The following ALK variants were observed in gnomAD, a reference collection of about 807,000 sequenced individuals.
ALK encodes ALK tyrosine kinase receptor.
ALK carries 74 observed loss-of-function variants against 163.1 expected under a neutral mutation model. The ratio of observed to expected loss-of-function variants is 0.45; its 90% CI spans 0.38 to 0.55. ALK has a LOEUF of 0.55. Ranked by LOEUF, ALK falls within the 20% of genes least tolerant of loss-of-function variation. ALK has a pLI of 0.00. For synonymous variants in ALK, 960 were observed against 843.2 expected, an observed-to-expected ratio of 1.14 and a Z score of -2.40; for missense variants, 2,063 against 2,105.3, an observed-to-expected ratio of 0.98 and a Z score of 0.39.
intron 5 of ALK, among the ~76,000 whole-genome samples, chr2:29,331,618 T>C (rs575057666): frequency 6.6e-6 from 1 of 152,324 alleles, no homozygotes; most frequent in African/African-American, 2.4e-5. Context: ...CTGCACACAC[T>C]GGTGCTGGTC....
rs1308555087 is a variant in ALK, at chr2:29,233,823, A to C, written c.2356-127T>G. ...CAAAAAACTTACAGTTGAGTTGAGG[A>C]GGCAGAAAAATATACCAATAACTGT... is the stretch of plus-strand genomic sequence containing the variant. On this transcript the variant is annotated intron_variant, in intron 13 of 28. Coordinates refer to ENST00000389048, the MANE Select transcript of ALK (RefSeq NM_004304.5). 2.0e-5 allele frequency: 25 copies of C among 1,238,172 alleles called. No individual in the cohort carries two copies. In the East Asian group the frequency reaches 4.9e-4, roughly 24 times the overall value. The allele number at this position is 1,238,172 out of a possible 1,614,324, so 76.7% of individuals were successfully genotyped here.
intron 3 of ALK, among the ~76,000 whole-genome samples, chr2:29,576,867 C>G (rs1200759684): frequency 6.6e-6 from 1 of 151,856 alleles, no homozygotes; most frequent in Non-Finnish European, 1.5e-5. Flanking sequence ...CCCACCACCC[C>G]CAGATGGGAC....
At chr2:29,237,082 G>C (rs141232963) in intron 13 of ALK, among the ~76,000 whole-genome samples, 3 of 152,232 alleles carry the variant, frequency 2.0e-5, no homozygotes, top group Non-Finnish European at 4.4e-5. Flanking sequence ...AGTCATCCTT[G>C]ACTCTTTTCT....
chr2:29,743,216 A>C (rs1156990262), intron 1 of ALK, among the ~76,000 whole-genome samples: 1 of 152,206 alleles, frequency 6.6e-6, no homozygotes, highest in African/African-American at 2.4e-5. Context: ...AGATTTCTAA[A>C]GCTTCTACAA....
rs530774574 is a variant in ALK at position 29,830,713 on chromosome 2, TAAAAAAAAAAAAAAAAAAAAAAAA to T, written c.667+89256_667+89279del. The stretch of plus-strand genomic sequence containing the variant: ...GCAAGACCCTGTCTCTAAAATAGTT[TAAAAAAAAAAAAAAAAAAAAAAAA>T]AAAAAAAAAAAAAAAACTTAGCCAA... On this transcript the variant is annotated intron_variant, in intron 1 of 28. Coordinates refer to ENST00000389048, the MANE Select transcript of ALK (RefSeq NM_004304.5). 2.1e-4 allele frequency among the ~76,000 whole-genome samples: 6 copies of T among 29,002 alleles called. No homozygotes were observed. The East Asian group carries it at 6.6e-3, about 32-fold the overall frequency. 19.0% of individuals were successfully genotyped at this position (29,002 alleles called of 152,430 possible).
In ALK at chr2:29,228,918, C is replaced by CA; in HGVS notation, c.2780_2781insT (p.Cys928ValfsTer20). The CA allele has an allele frequency of 2.1e-6, 3 of 1,457,962 alleles. No individual in the cohort carries two copies. Among genetic ancestry groups the CA allele is most frequent in the Admixed American group, 1.7e-5 (1 of 59,202 alleles). The allele number at this position is 1,457,962 out of a possible 1,614,324, so 90.3% of individuals were successfully genotyped here. Reference sequence around the variant, plus strand: ...CTCCGCCTCCTCCACCTGAGGAGCACCCCCCTCCACCCCCTCCGAAACCCC... The same window carrying CA: ...CTCCGCCTCCTCCACCTGAGGAGCACACCCCCTCCACCCCCTCCGAAACCCC... On this transcript the variant is annotated frameshift_variant, in exon 16 of 29. Transcript: ENST00000389048. LOFTEE classifies it high-confidence loss of function.
At chr2:29,216,238 C>G (rs1362149488) in intron 23 of ALK, among the ~76,000 whole-genome samples, 2 of 152,172 alleles carry the variant, frequency 1.3e-5, no homozygotes. Flanking sequence ...GTGGGCCTTG[C>G]TGCAGGTGCT....
chr2:29,623,582 C>A (rs1676102202), intron 3 of ALK, among the ~76,000 whole-genome samples: 1 of 152,122 alleles, frequency 6.6e-6, no homozygotes, highest in Non-Finnish European at 1.5e-5. Context: ...GGGGTAGAAG[C>A]ACAGAGAGAG....
intron 5 of ALK, among the ~76,000 whole-genome samples, chr2:29,354,970 G>A (rs941823836): frequency 6.6e-6 from 1 of 152,030 alleles, no homozygotes; most frequent in Non-Finnish European, 1.5e-5. Flanking sequence ...GTTTCACTGT[G>A]TTAGCCAGGA....
intron 3 of ALK, among the ~76,000 whole-genome samples, chr2:29,687,792 CA>C (rs1678281977): frequency 6.6e-6 from 1 of 151,944 alleles, no homozygotes; most frequent in Non-Finnish European, 1.5e-5. Context: ...TAATAAGTTC[CA>C]AATATTTCCC....
chr2:29,908,605 C>T (rs1055514130), intron 1 of ALK, among the ~76,000 whole-genome samples: 2 of 152,220 alleles, frequency 1.3e-5, no homozygotes, highest in Non-Finnish European at 2.9e-5. Context: ...AGGCAATAAG[C>T]TTATTGTTTC....
At chr2:29,568,616 C>A (rs890587530) in intron 3 of ALK, among the ~76,000 whole-genome samples, 1 of 152,202 alleles carries the variant, frequency 6.6e-6, no homozygotes, top group South Asian at 2.1e-4. Flanking sequence ...CAGATTGTCT[C>A]CCTTCCCTCC....
chr2:29,642,675 C>G (rs568860643), intron 3 of ALK, among the ~76,000 whole-genome samples: 1 of 152,112 alleles, frequency 6.6e-6, no homozygotes, highest in Non-Finnish European at 1.5e-5. Context: ...TCTCTCCTGT[C>G]TCAGACTCAA....
intron 2 of ALK, among the ~76,000 whole-genome samples, chr2:29,695,319 A>G (rs1183682554): frequency 2.0e-5 from 3 of 152,296 alleles, no homozygotes; most frequent in Admixed American, 6.5e-5. Context: ...GAAGACATAG[A>G]GAGGGCCTGA....
chr2:29,421,239 G>C (rs1670008436), intron 4 of ALK, among the ~76,000 whole-genome samples: 1 of 151,584 alleles, frequency 6.6e-6, no homozygotes, highest in South Asian at 2.1e-4. Flanking sequence ...GCAGGCAGGA[G>C]GCCGCCTTTG....
At chr2:29,581,033 T>G (rs1028830355) in intron 3 of ALK, among the ~76,000 whole-genome samples, 1 of 152,226 alleles carries the variant, frequency 6.6e-6, no homozygotes, top group Non-Finnish European at 1.5e-5. Flanking sequence ...CATGTGGTTC[T>G]GCCAAAGCCT....
intron 1 of ALK, among the ~76,000 whole-genome samples, chr2:29,779,110 C>T (rs1230630147): frequency 6.6e-6 from 1 of 151,758 alleles, no homozygotes; most frequent in Non-Finnish European, 1.5e-5. Flanking sequence ...GAGCCGAGAT[C>T]GTGCCACTGC....
intron 1 of ALK, among the ~76,000 whole-genome samples, chr2:29,914,674 G>C (rs954013898): frequency 6.6e-6 from 1 of 152,180 alleles, no homozygotes; most frequent in African/African-American, 2.4e-5. Context: ...TAATGATAAA[G>C]CTGGGCCTCA....
intron 24 of ALK, among the ~76,000 whole-genome samples, chr2:29,212,366 G>A (rs1215227811): frequency 6.6e-6 from 1 of 152,120 alleles, no homozygotes; most frequent in Non-Finnish European, 1.5e-5. Flanking sequence ...ACTGGGGAGC[G>A]GGGAAAGGGC....
Sources: gnomAD v4.1 joint callset for allele counts (sites outside exome capture counted in the v4.1 genomes callset) on GRCh38, gnomAD v4.1.1 for gene constraint, MANE v1.5 for transcripts, NCBI Gene and HGNC (gene_info 2026-07-23, HGNC 2026-07-21) for gene names.